The following MYOF variants were observed in gnomAD, a reference collection of about 807,000 sequenced individuals.
MYOF encodes fer-1-like 3, myoferlin.
In MYOF, 244 loss-of-function variants were observed where a neutral mutation model predicts 284.2. The observed-to-expected ratio is 0.86, with a 90% CI of 0.77 to 0.95. The LOEUF (loss-of-function observed/expected upper bound fraction) is 0.95, where lower values mean the gene tolerates loss of function less well. Ranked by LOEUF, MYOF falls within the 40% of genes least tolerant of loss-of-function variation. The pLI is 0.00. For synonymous variants in MYOF, 904 were observed against 919.7 expected (o/e 0.98, Z 0.31); for missense variants, 2,496 against 2,560.6 (o/e 0.97, Z 0.54).
intron 18 of MYOF, 61 bp downstream of exon 18, chr10:93,388,969 T>C (rs1266006509): frequency 1.3e-6 from 2 of 1,569,654 alleles, no homozygotes; most frequent in Admixed American, 1.9e-5. Context: ...TCAGACATTA[T>C]AAGAAGAAAT....
intron 53 of MYOF, among the ~76,000 whole-genome samples, chr10:93,308,952 T>G (rs991017166): frequency 6.6e-6 from 1 of 152,168 alleles, no homozygotes; most frequent in African/African-American, 2.4e-5. Flanking sequence ...CCTCAAGTGA[T>G]TCACCCGCCT....
At chr10:93,469,405 G>GAA (rs11406764) in intron 1 of MYOF, among the ~76,000 whole-genome samples, 91 of 146,382 alleles carry the variant, frequency 6.2e-4, no homozygotes, top group Middle Eastern at 3.5e-3. Flanking sequence ...CATCTCTGAA[G>GAA]AAAAAAAAAA....
intron 22 of MYOF, 147 bp downstream of exon 22, chr10:93,377,176 C>A: frequency 1.6e-6 from 1 of 610,594 alleles, no homozygotes. Context: ...AGGCACTCCT[C>A]CCAGTGAGGA....
At chr10:93,356,978 TAG>T in intron 29 of MYOF, 130 bp from the exon 30 acceptor site, 1 of 967,312 alleles carries the variant, frequency 1.0e-6, no homozygotes, top group Admixed American at 2.9e-5. Context: ...AGTACTGAGC[TAG>T]AGTCAGGAAT....
chr10:93,333,082 C>T lies in MYOF; in HGVS notation c.4811+139G>A, dbSNP rs189170897. On this transcript the variant is annotated intron_variant, in intron 43 of 53. Transcript: ENST00000359263. The stretch of plus-strand genomic sequence containing the variant: ...TATTTTGGGTTTATCTATTTATTAC[C>T]TGCTCCCCTGTCTAGAATGTTTATC... 2.3e-3 allele frequency: 1,597 copies of T among 705,698 alleles called. 4 individuals are homozygous for T. The highest frequency in any genetic ancestry group is 3.4e-3 in the Non-Finnish European group (1,368 of 406,286). 43.7% of individuals were successfully genotyped at this position (705,698 alleles called of 1,614,324 possible).
chr10:93,309,589 TTTGGGTGGAAC>T (rs1842295154), intron 53 of MYOF, among the ~76,000 whole-genome samples: 1 of 152,146 alleles, frequency 6.6e-6, no homozygotes, highest in Non-Finnish European at 1.5e-5. Context: ...AATGATCTAG[TTTGGGTGGAAC>T]ACAAGGTATA....
rs113588816 is a variant in MYOF at position 93,356,920 on chromosome 10, A to G, written c.3121-72T>C. 54 of 1,415,240 alleles carry G rather than the reference A, an allele frequency of 3.8e-5. 1 individual carries two copies. In the African/African-American group the frequency reaches 6.0e-4, roughly 16 times the overall value. 87.7% of individuals were successfully genotyped at this position (1,415,240 alleles called of 1,614,324 possible). On this transcript the variant is annotated intron_variant, in intron 29 of 53. Coordinates refer to ENST00000359263, the MANE Select transcript of MYOF (RefSeq NM_013451.4). ...ATTCCTTATTTTGATAAAACAGGTT[A>G]TATGATCAATCAACAGATACACAGT...
intron 19 of MYOF, among the ~76,000 whole-genome samples, chr10:93,381,823 G>A (rs1846131486): frequency 6.6e-6 from 1 of 152,144 alleles, no homozygotes; most frequent in African/African-American, 2.4e-5. Flanking sequence ...GATCACTTGA[G>A]GTCAGGAGTT....
Position 93,351,248 on chromosome 10 carries a change from T to A in MYOF, c.3870A>T (p.Leu1290=), listed in dbSNP as rs35669278. The change falls in exon 35 of 54, where the codon CTA becomes CTT. Residue 1290 remains leucine (L), a synonymous_variant. Transcript: ENST00000359263. ...GCCTGATCCCCTGGGGGACCATGTATAGATTTGGCGCCCTTTGAGGGGGAA... is the reference window on the plus strand; with the variant it reads ...GCCTGATCCCCTGGGGGACCATGTAAAGATTTGGCGCCCTTTGAGGGGGAA... The part of the protein sequence containing the change: ...PILPPQRAPN[L]YMVPQGIRPV... The A allele has an allele frequency of 6.2e-7, 1 of 1,614,074 alleles. No homozygotes were observed. Among genetic ancestry groups the A allele is most frequent in the South Asian group, 1.1e-5 (1 of 91,030 alleles).
chr10:93,338,152 A>T (rs570792794), intron 39 of MYOF, among the ~76,000 whole-genome samples: 1 of 151,764 alleles, frequency 6.6e-6, no homozygotes, highest in African/African-American at 2.4e-5. Context: ...AATGCCCACA[A>T]TCATACTAGA....
chr10:93,425,320 T>C (rs1848535946), intron 5 of MYOF, among the ~76,000 whole-genome samples: 1 of 152,004 alleles, frequency 6.6e-6, no homozygotes, highest in Admixed American at 6.5e-5. Context: ...GCCGAGACTG[T>C]GCCTTGGTCA....
intron 13 of MYOF, among the ~76,000 whole-genome samples, chr10:93,398,557 C>T (rs1201415507): frequency 2.0e-5 from 3 of 152,154 alleles, no homozygotes; most frequent in Non-Finnish European, 4.4e-5. Flanking sequence ...TATTATCTCC[C>T]TTTATAGTTC....
At position 93,323,092 on chromosome 10, in the gene MYOF, G is replaced by A; in HGVS notation, c.5442C>T (p.Asp1814=). The A allele has an allele frequency of 1.2e-6, 2 of 1,613,860 alleles. No homozygotes were observed. The highest frequency in any genetic ancestry group is 1.7e-6 in the Non-Finnish European group (2 of 1,179,700). The change falls in exon 48 of 54, where the codon GAC becomes GAT. Residue 1814 remains aspartate, a synonymous_variant. Transcript: ENST00000359263. The part of the protein sequence containing the change: ...EKSITGEEMS[D]IYVKGWIPGN... The stretch of plus-strand genomic sequence containing the variant: ...GCTAACCTTACCCTTTGACGTAGAT[G>A]TCACTCATTTCCTCTCCTGTGATGC...
chr10:93,321,412 CTTTT>C (rs35765868), intron 48 of MYOF, among the ~76,000 whole-genome samples: 1 of 121,166 alleles, frequency 8.3e-6, no homozygotes, highest in Admixed American at 8.7e-5. Context: ...GACTATTAAC[CTTTT>C]TTTTTTTTTT....
chr10:93,340,010 G>A lies in MYOF; in HGVS notation c.4338+143C>T, dbSNP rs531833466. On this transcript the variant is annotated intron_variant, in intron 39 of 53. Coordinates refer to ENST00000359263, the MANE Select transcript of MYOF (RefSeq NM_013451.4). ...AGGAGAATGGCGTGAACCCCGGGGG[G>A]CGGAGCCTGCAGTGAGCCAAGATCG... 111 of 804,468 alleles carry A rather than the reference G, an allele frequency of 1.4e-4. No individual in the cohort carries two copies. In the African/African-American group the frequency reaches 1.6e-3, roughly 11 times the overall value. 49.8% of individuals were successfully genotyped at this position (804,468 alleles called of 1,614,324 possible).
intron 31 of MYOF, among the ~76,000 whole-genome samples, chr10:93,354,670 T>A (rs1028930598): frequency 9.0e-5 from 13 of 144,070 alleles, no homozygotes; most frequent in Admixed American, 6.9e-4. Flanking sequence ...ACATTCACTC[T>A]CTCTCTCTCT....
chr10:93,397,094 ATTTTG>A, intron 15 of MYOF, 148 bp downstream of exon 15: 1 of 598,286 alleles, frequency 1.7e-6, no homozygotes, highest in Non-Finnish European at 2.8e-6. Context: ...CTATTATTAA[ATTTTG>A]TTTTAAGAAA....
chr10:93,373,582 G>A (rs1845692724), intron 23 of MYOF, among the ~76,000 whole-genome samples: 1 of 138,016 alleles, frequency 7.2e-6, no homozygotes, highest in African/African-American at 2.7e-5. Context: ...TGTCCCTATT[G>A]GCACACAGTG....
chr10:93,319,971 G>A lies in MYOF; in HGVS notation c.5499C>T (p.Val1833=). 1 of 1,614,164 alleles carries A rather than the reference G, an allele frequency of 6.2e-7. No homozygotes were observed. Among genetic ancestry groups the A allele is most frequent in the Non-Finnish European group, 8.5e-7 (1 of 1,180,016 alleles). Residue 1833 remains valine (V), a synonymous_variant, in exon 49 of 54, where the codon GTC becomes GTT. Coordinates refer to ENST00000359263, the MANE Select transcript of MYOF (RefSeq NM_013451.4). ...CTTCACCATCCAAAGATCTGTAATG[G>A]ACATCTGTTTTCTGTTTGTTTTCTT... ...GNEENKQKTD[V]HYRSLDGEGN...
Sources: gnomAD v4.1 joint callset for allele counts (sites outside exome capture counted in the v4.1 genomes callset) on GRCh38, gnomAD v4.1.1 for gene constraint, MANE v1.5 for transcripts, NCBI Gene and HGNC (gene_info 2026-07-23, HGNC 2026-07-21) for gene names.